CTTN: variants seen among roughly 807,000 people sequenced by gnomAD.
CTTN encodes the protein src substrate cortactin.
A neutral mutation model predicts 84.0 loss-of-function variants in CTTN; 28 were observed. The observed-to-expected ratio is 0.33, with a 90% CI of 0.25 to 0.46. The LOEUF is 0.46. Among genes scored for constraint, CTTN ranks in the 20% least tolerant of loss-of-function variants. The pLI is 1.00. For synonymous variants in CTTN, 301 were observed against 288.8 expected (o/e 1.04, Z -0.43); for missense variants, 641 against 723.8 (o/e 0.89, Z 1.31).
rs188530790 is a variant in CTTN, at chr11:70,400,631, T to G, written c.-98+2017T>G. Among the ~76,000 whole-genome samples, 167 of 152,346 alleles carry G rather than the reference T, an allele frequency of 1.1e-3. 1 individual carries two copies. The highest frequency in any genetic ancestry group is 3.7e-3 in the African/African-American group (155 of 41,594). ...TTTGATGGACTTGTTTTTAAAACAC[T>G]TTTAAAATGACAGCACACATAATCG... On this transcript the variant is annotated intron_variant, in intron 1 of 17. Transcript: ENST00000301843.
In CTTN at chr11:70,421,775, C is replaced by T. The variant is rs896944232; in HGVS notation, c.901+195C>T. ...GATTTTGAGTGGTTCACTTTCTTCC[C>T]TGTGAACTTGTGATCTGTGTATGGC... On this transcript the variant is annotated intron_variant, in intron 11 of 17. Coordinates refer to ENST00000301843, the MANE Select transcript of CTTN (RefSeq NM_005231.4). 9 of 586,464 alleles carry T rather than the reference C, an allele frequency of 1.5e-5. 1 individual carries two copies. The highest frequency in any genetic ancestry group is 9.1e-6 in the Non-Finnish European group (3 of 328,652). 36.3% of individuals were successfully genotyped at this position (586,464 alleles called of 1,614,324 possible). A position where few individuals can be genotyped will look rare whatever the true frequency, so the allele number is the denominator to read the frequency against.
Position 70,425,327 on chromosome 11 carries a change from T to C in CTTN, c.958-5T>C. 1 of 1,611,090 alleles carries C rather than the reference T, an allele frequency of 6.2e-7. No homozygotes were observed. The highest frequency in any genetic ancestry group is 8.5e-7 in the Non-Finnish European group (1 of 1,178,602). Reference sequence around the variant, plus strand: ...TCTCCTGACGCCCATGTCCTGTCTCTGCAGAATGCGTCAACCTTTGAGGAT... The same window carrying C: ...TCTCCTGACGCCCATGTCCTGTCTCCGCAGAATGCGTCAACCTTTGAGGAT... On this transcript the variant is annotated splice_polypyrimidine_tract_variant and splice_region_variant and intron_variant, in intron 12 of 17. Transcript: ENST00000301843.
chr11:70,422,764 C>G (rs2058253056), intron 11 of CTTN, 176 bp from the exon 12 acceptor site: 2 of 1,464,718 alleles, frequency 1.4e-6, no homozygotes, highest in East Asian at 2.6e-5. Context: ...CTGTGTCTCA[C>G]GACCATGGGT....
chr11:70,430,880 C>T (rs563579640), intron 14 of CTTN, among the ~76,000 whole-genome samples: 8 of 152,010 alleles, frequency 5.3e-5, no homozygotes, highest in African/African-American at 1.7e-4. Context: ...CAGAGCACAC[C>T]TGCCCCTCGA....
At chr11:70,430,139 C>T (rs1227113779) in intron 14 of CTTN, among the ~76,000 whole-genome samples, 2 of 152,216 alleles carry the variant, frequency 1.3e-5, no homozygotes, top group Non-Finnish European at 2.9e-5. Context: ...AAAGACAAGA[C>T]AGCACTACCA....
Position 70,435,563 on chromosome 11 carries a change from C to A in CTTN, c.*401C>A, listed in dbSNP as rs778461077. 6.4e-7 allele frequency: 1 copy of A among 1,561,878 alleles called. No homozygotes were observed. Among genetic ancestry groups the A allele is most frequent in the East Asian group, 2.3e-5 (1 of 42,866 alleles). On this transcript the variant is annotated 3_prime_UTR_variant, in exon 18 of 18. Coordinates refer to ENST00000301843, the MANE Select transcript of CTTN (RefSeq NM_005231.4). ...ACAAGCACGAGGCCTCAGGTCGGCCCTGTGGCGGGTAGGCAGGAAGGACTG... is the reference window on the plus strand; with the variant it reads ...ACAAGCACGAGGCCTCAGGTCGGCCATGTGGCGGGTAGGCAGGAAGGACTG...
chr11:70,417,642 C>A (rs1341653476), intron 8 of CTTN, among the ~76,000 whole-genome samples: 1 of 152,140 alleles, frequency 6.6e-6, no homozygotes, highest in Non-Finnish European at 1.5e-5. Flanking sequence ...ATTACAAGCA[C>A]ACGCCACCAC....
Position 70,435,061 on chromosome 11 carries a change from A to G in CTTN, c.1552A>G (p.Ile518Val), listed in dbSNP as rs1307739087. 3 of 1,613,850 alleles carry G rather than the reference A, an allele frequency of 1.9e-6. No individual in the cohort carries two copies. The highest frequency in any genetic ancestry group is 3.3e-5 in the Admixed American group (2 of 59,998). The change falls in exon 18 of 18, where the codon ATC becomes GTC. Residue 518 changes from isoleucine (I) to valine (V), a missense_variant. Physicochemically the swap from Ile to Val is conservative, Grantham distance 29 (BLOSUM62 3). This residue lies in a region of CTTN where 68 missense variants were observed against 102.2 expected (regional missense o/e 0.67). Coordinates refer to ENST00000301843, the MANE Select transcript of CTTN (RefSeq NM_005231.4). ...TGAGATCTCATTTGACCCTGATGAC[A>G]TCATCACCAACATCGAGATGATTGA... ...DDEISFDPDD[I>V]ITNIEMIDDG... is the part of the protein sequence containing the mutation.
intron 11 of CTTN, chr11:70,421,871 A>G: frequency 2.7e-6 from 1 of 374,982 alleles, no homozygotes; most frequent in Non-Finnish European, 4.8e-6. Context: ...GGACTGGGGC[A>G]TCTCCGGTCT....
At chr11:70,432,684 C>T (rs1041036109) in intron 15 of CTTN, among the ~76,000 whole-genome samples, 12 of 152,222 alleles carry the variant, frequency 7.9e-5, no homozygotes, top group African/African-American at 2.9e-4. Context: ...GGGCCAGGGT[C>T]GAGCAGCACA....
intron 17 of CTTN, 49 bp from the exon 18 acceptor site, chr11:70,434,977 C>G: frequency 6.2e-7 from 1 of 1,601,424 alleles, no homozygotes. Flanking sequence ...TTCTGGCAGA[C>G]CAGGAAACGC....
At chr11:70,429,528 A>G (rs946078869) in intron 14 of CTTN, among the ~76,000 whole-genome samples, 6 of 152,198 alleles carry the variant, frequency 3.9e-5, no homozygotes, top group Admixed American at 1.3e-4. Flanking sequence ...GCTCCTGTCC[A>G]AATGTCAGCC....
At position 70,432,221 on chromosome 11, in the gene CTTN, C is replaced by G. The variant is rs987907686; in HGVS notation, c.1267-880C>G. Among the ~76,000 whole-genome samples, 3 of 152,208 alleles carry G rather than the reference C, an allele frequency of 2.0e-5. 1 individual carries two copies. The South Asian group carries it at 6.2e-4, about 31-fold the overall frequency. ...TGAGGCCTTGCAGCTTGTCAGGAAC[C>G]GGCCTCCCCCTCTAGTCCCTCCCCT... On this transcript the variant is annotated intron_variant, in intron 15 of 17. Transcript: ENST00000301843.
chr11:70,423,053 G>T (rs1280346126), intron 12 of CTTN, 58 bp downstream of exon 12: 2 of 1,593,610 alleles, frequency 1.3e-6, no homozygotes, highest in Non-Finnish European at 1.7e-6. Context: ...CTTGGTGGGC[G>T]TGGCTCACCG....
Position 70,433,765 on chromosome 11 carries a change from G to A in CTTN, c.1516+47G>A, listed in dbSNP as rs373830441. On this transcript the variant is annotated intron_variant, in intron 17 of 17. Coordinates refer to ENST00000301843, the MANE Select transcript of CTTN (RefSeq NM_005231.4). ...TTGGAGGGGAGACCCAGGCAGCTGCGCCTGCCTCTGCTTGTTTTCTGAGAA... is the reference window on the plus strand; with the variant it reads ...TTGGAGGGGAGACCCAGGCAGCTGCACCTGCCTCTGCTTGTTTTCTGAGAA... 35 of 1,171,390 alleles carry A rather than the reference G, an allele frequency of 3.0e-5. 1 individual carries two copies. The highest frequency in any genetic ancestry group is 1.8e-4 in the South Asian group (15 of 82,206). 72.6% of individuals were successfully genotyped at this position (1,171,390 alleles called of 1,614,324 possible). A position where few individuals can be genotyped will look rare whatever the true frequency, so the allele number is the denominator to read the frequency against.
Position 70,435,495 on chromosome 11 carries a change from G to T in CTTN, c.*333G>T, listed in dbSNP as rs769920155. Reference sequence around the variant, plus strand: ...AGGGAGCTCGCATTCTCTTGTGTTCGTGTTGCCCTCGTGCCCATCAAGTGC... The same window carrying T: ...AGGGAGCTCGCATTCTCTTGTGTTCTTGTTGCCCTCGTGCCCATCAAGTGC... On this transcript the variant is annotated 3_prime_UTR_variant, in exon 18 of 18. Transcript: ENST00000301843. 1.9e-6 allele frequency: 3 copies of T among 1,555,694 alleles called. No homozygotes were observed. The East Asian group carries it at 7.0e-5, about 37-fold the overall frequency.
intron 13 of CTTN, among the ~76,000 whole-genome samples, chr11:70,425,613 C>T (rs2058292065): frequency 6.6e-6 from 1 of 152,206 alleles, no homozygotes; most frequent in South Asian, 2.1e-4. Flanking sequence ...CATGGTGCAG[C>T]CGTTTCAGTG....
chr11:70,403,535 C>G (rs774371423), intron 1 of CTTN, among the ~76,000 whole-genome samples: 18 of 152,272 alleles, frequency 1.2e-4, no homozygotes, highest in Non-Finnish European at 1.2e-4. Context: ...ACTTTTCTCT[C>G]AGGATCGTCT....
chr11:70,415,380 A>G (rs528903323), intron 6 of CTTN, among the ~76,000 whole-genome samples: 1 of 152,282 alleles, frequency 6.6e-6, no homozygotes, highest in South Asian at 2.1e-4. Flanking sequence ...AAGCCCGTGG[A>G]ATGAATCAGC....
Sources: gnomAD v4.1 joint callset for allele counts (sites outside exome capture counted in the v4.1 genomes callset) on GRCh38, gnomAD v4.1.1 for gene constraint, gnomAD v4.1.1 regional missense constraint, MANE v1.5 for transcripts, NCBI Gene and HGNC (gene_info 2026-07-23, HGNC 2026-07-21) for gene names.